The following CDKAL1 variants were observed in gnomAD, a reference collection of about 807,000 sequenced individuals.
The protein encoded by CDKAL1 is threonylcarbamoyladenosine tRNA methylthiotransferase.
In CDKAL1, 32 loss-of-function variants were observed where a neutral mutation model predicts 68.2. That is an observed-to-expected ratio of 0.47 (90% confidence interval 0.35 to 0.63). CDKAL1 has a LOEUF of 0.63. Ranked by LOEUF, CDKAL1 falls within the 30% of genes least tolerant of loss-of-function variation. CDKAL1 has a pLI of 0.00. For missense variants in CDKAL1, 606 were observed against 696.7 expected, an observed-to-expected ratio of 0.87 and a Z score of 1.47; for synonymous variants, 234 against 244.3, an observed-to-expected ratio of 0.96 and a Z score of 0.39.
intron 8 of CDKAL1, among the ~76,000 whole-genome samples, chr6:20,807,387 C>T (rs1776618263): frequency 6.6e-6 from 1 of 152,144 alleles, no homozygotes; most frequent in South Asian, 2.1e-4. Flanking sequence ...CCACGCCCAG[C>T]TAATTTTCGT....
chr6:20,777,082 C>G (rs960242997), intron 7 of CDKAL1, among the ~76,000 whole-genome samples: 1 of 152,170 alleles, frequency 6.6e-6, no homozygotes, highest in African/African-American at 2.4e-5. Context: ...GCAGGGAATT[C>G]TGGGAGCTGA....
chr6:20,757,842 T>C (rs1205441249), intron 6 of CDKAL1, among the ~76,000 whole-genome samples: 1 of 152,256 alleles, frequency 6.6e-6, no homozygotes, highest in African/African-American at 2.4e-5. Context: ...ACTTATTCTT[T>C]TTTTAGCTTT....
intron 11 of CDKAL1, among the ~76,000 whole-genome samples, chr6:21,013,609 A>T (rs865918489): frequency 6.6e-6 from 1 of 152,138 alleles, no homozygotes; most frequent in Non-Finnish European, 1.5e-5. Context: ...AACATTCTGA[A>T]TTTTTTGTAA....
intron 4 of CDKAL1, among the ~76,000 whole-genome samples, chr6:20,610,944 G>A (rs1050556431): frequency 4.6e-5 from 7 of 151,978 alleles, no homozygotes; most frequent in Admixed American, 3.9e-4. Flanking sequence ...TGAATAGCTT[G>A]GACTACAGGT....
chr6:21,149,746 G>A (rs1337701773), intron 13 of CDKAL1, among the ~76,000 whole-genome samples: 3 of 152,172 alleles, frequency 2.0e-5, no homozygotes, highest in Non-Finnish European at 4.4e-5. Context: ...CAAACACTGG[G>A]AAGTTGGCTA....
chr6:20,624,138 CA>C (rs1475151892), intron 4 of CDKAL1, among the ~76,000 whole-genome samples: 2 of 151,916 alleles, frequency 1.3e-5, no homozygotes, highest in African/African-American at 4.8e-5. Flanking sequence ...TTAATTCAAG[CA>C]GTTTGTTTTC....
intron 11 of CDKAL1, among the ~76,000 whole-genome samples, chr6:21,001,562 G>C (rs1767429759): frequency 6.6e-6 from 1 of 151,876 alleles, no homozygotes; most frequent in Non-Finnish European, 1.5e-5. Context: ...CATAGAAGCT[G>C]TATTTGTTAA....
intron 2 of CDKAL1, among the ~76,000 whole-genome samples, 187 bp downstream of exon 2, chr6:20,535,581 A>G (rs566893577): frequency 2.6e-5 from 4 of 152,252 alleles, no homozygotes; most frequent in African/African-American, 9.6e-5. Context: ...ATTTTCATTC[A>G]CCAGCATTGA....
chr6:21,224,504 A>ACTC (rs1340670881), intron 15 of CDKAL1, among the ~76,000 whole-genome samples: 1 of 152,008 alleles, frequency 6.6e-6, no homozygotes, highest in Non-Finnish European at 1.5e-5. Flanking sequence ...ACAGAGTGAG[A>ACTC]CTCTGTCTCA....
intron 4 of CDKAL1, among the ~76,000 whole-genome samples, chr6:20,553,908 G>A (rs555708287): frequency 2.0e-5 from 3 of 150,824 alleles, no homozygotes; most frequent in South Asian, 4.2e-4. Flanking sequence ...CACCGTGCTC[G>A]GCCAGCTTTT....
intron 8 of CDKAL1, among the ~76,000 whole-genome samples, chr6:20,831,662 G>T (rs1274309713): frequency 6.6e-6 from 1 of 152,056 alleles, no homozygotes; most frequent in African/African-American, 2.4e-5. Context: ...CCACTGAGCT[G>T]CTCCTCATCA....
intron 4 of CDKAL1, among the ~76,000 whole-genome samples, chr6:20,573,911 C>A (rs148973166): frequency 6.6e-4 from 101 of 152,188 alleles, no homozygotes; most frequent in African/African-American, 2.2e-3. Flanking sequence ...TTTCAGTTGT[C>A]CTGTGTGATG....
At chr6:21,137,766 T>C (rs960598524) in intron 13 of CDKAL1, among the ~76,000 whole-genome samples, 4 of 152,300 alleles carry the variant, frequency 2.6e-5, no homozygotes, top group African/African-American at 9.6e-5. Flanking sequence ...TATAACCAAA[T>C]GTTAGAGGAG....
chr6:21,210,207 C>T (rs1779099032), intron 15 of CDKAL1, among the ~76,000 whole-genome samples: 1 of 152,176 alleles, frequency 6.6e-6, no homozygotes, highest in African/African-American at 2.4e-5. Context: ...CCATCCTGCC[C>T]TCAAGGAGAT....
chr6:21,042,639 G>T (rs923525878), intron 11 of CDKAL1, among the ~76,000 whole-genome samples: 1 of 151,842 alleles, frequency 6.6e-6, no homozygotes, highest in South Asian at 2.1e-4. Flanking sequence ...TCCCCTACCT[G>T]CCCCACTGTC....
intron 9 of CDKAL1, among the ~76,000 whole-genome samples, chr6:20,950,562 T>C (rs1764472676): frequency 1.3e-5 from 2 of 152,200 alleles, no homozygotes; most frequent in Admixed American, 1.3e-4. Flanking sequence ...ATAACATATA[T>C]GTTTAATGTA....
intron 4 of CDKAL1, among the ~76,000 whole-genome samples, chr6:20,622,256 C>T (rs551457585): frequency 6.6e-6 from 1 of 151,882 alleles, no homozygotes; most frequent in South Asian, 2.1e-4. Flanking sequence ...TTAATTCTTC[C>T]TTGGGCTGCC....
intron 7 of CDKAL1, among the ~76,000 whole-genome samples, chr6:20,764,247 T>G (rs560600438): frequency 1.3e-5 from 2 of 152,334 alleles, no homozygotes; most frequent in Admixed American, 1.3e-4. Flanking sequence ...CTATCGACAT[T>G]AGAAAAATGT....
At chr6:21,146,049 G>A (rs1016376577) in intron 13 of CDKAL1, among the ~76,000 whole-genome samples, 1 of 152,134 alleles carries the variant, frequency 6.6e-6, no homozygotes, top group Admixed American at 6.6e-5. Context: ...GTGAAAACTG[G>A]CTTGGAGATT....
Sources: allele counts gnomAD v4.1 joint callset (sites outside exome capture counted in the v4.1 genomes callset), GRCh38; gene constraint gnomAD v4.1.1; transcripts MANE v1.5; gene names NCBI Gene and HGNC (gene_info 2026-07-23, HGNC 2026-07-21).